The following TOB2 variants were observed in gnomAD, a reference collection of about 807,000 sequenced individuals.
TOB2 encodes the protein protein Tob2.
A neutral mutation model predicts 17.3 loss-of-function variants in TOB2; 3 were observed. The ratio of observed to expected loss-of-function variants is 0.17; its 90% CI spans 0.08 to 0.45. The LOEUF is 0.45. TOB2 is among the 20% of genes least tolerant of loss of function. The pLI is 0.99. For synonymous variants in TOB2, 163 were observed against 185.6 expected (o/e 0.88, Z 0.99); for missense variants, 407 against 445.7 (o/e 0.91, Z 0.78).
chr22:41,436,904 T>C lies in TOB2; in HGVS notation c.442A>G (p.Ser148Gly), dbSNP rs756939967. ...GGCGATGGGGAGTTGGACAGGGAGC[T>C]GTCCTGGCTGCCAATGGGCACGAAC... ...QVFVPIGSQD[S>G]SLSNSPSPSF... The change falls in exon 2 of 2, where the codon AGC becomes GGC. Residue 148 changes from serine (S) to glycine (G), a missense_variant. Physicochemically the swap from Ser to Gly is moderately conservative, Grantham distance 56. Coordinates refer to ENST00000327492, the MANE Select transcript of TOB2 (RefSeq NM_016272.4). The surrounding 1 kb of genome is among the most constrained non-coding windows in gnomAD (Gnocchi z 4.8). 11 of 1,614,206 alleles carry C rather than the reference T, an allele frequency of 6.8e-6. 1 individual carries two copies. Among genetic ancestry groups the C allele is most frequent in the South Asian group, 1.1e-5 (1 of 91,088 alleles).
chr22:41,433,947 T>A lies in TOB2; in HGVS notation c.*2364A>T. The A allele has an allele frequency of 4.1e-6, 1 of 243,104 alleles. No individual in the cohort carries two copies. Among genetic ancestry groups the A allele is most frequent in the Non-Finnish European group, 8.5e-6 (1 of 117,416 alleles). The allele number at this position is 243,104 out of a possible 1,614,324, so 15.1% of individuals were successfully genotyped here. On this transcript the variant is annotated 3_prime_UTR_variant, in exon 2 of 2. Coordinates refer to ENST00000327492, the MANE Select transcript of TOB2 (RefSeq NM_016272.4). ...AGTTTGTTTTTCCTGAAAAAATATG[T>A]TTCTCTCATCTTTTTAAGAAAAAAT...
rs1224593463 is a variant in TOB2 at position 41,433,909 on chromosome 22, CTTTTT to C, written c.*2397_*2401del. 1 of 207,086 alleles carries C rather than the reference CTTTTT, an allele frequency of 4.8e-6. No individual in the cohort carries two copies. The highest frequency in any genetic ancestry group is 1.0e-5 in the Non-Finnish European group (1 of 95,294). 12.8% of individuals were successfully genotyped at this position (207,086 alleles called of 1,614,324 possible). A position where few individuals can be genotyped will look rare whatever the true frequency, so the allele number is the denominator to read the frequency against. Reference sequence around the variant, plus strand: ...GGGGAGAAAAGGTTTTATTTCTCCTCTTTTTTTTTTAAAGTTTGTTTTTCCTGAAA... The same window carrying C: ...GGGGAGAAAAGGTTTTATTTCTCCTCTTTTTAAAGTTTGTTTTTCCTGAAA... On this transcript the variant is annotated 3_prime_UTR_variant, in exon 2 of 2. Coordinates refer to ENST00000327492, the MANE Select transcript of TOB2 (RefSeq NM_016272.4).
chr22:41,438,661 A>AAAAAAAAAAAAAAAAT (rs2037581649), intron 1 of TOB2, among the ~76,000 whole-genome samples: 1 of 144,290 alleles, frequency 6.9e-6, no homozygotes. Context: ...AAAAAAAAAA[A>AAAAAAAAAAAAAAAAT]GGAATAAGAC....
chr22:41,438,734 A>G (rs1393836455), intron 1 of TOB2, among the ~76,000 whole-genome samples: 1 of 150,756 alleles, frequency 6.6e-6, no homozygotes, highest in African/African-American at 2.4e-5. Context: ...GATGTGGACC[A>G]ACAAGGGAAC....
intron 1 of TOB2, among the ~76,000 whole-genome samples, chr22:41,443,709 C>A (rs996837482): frequency 6.6e-6 from 1 of 150,566 alleles, no homozygotes; most frequent in Admixed American, 6.6e-5. Context: ...CCGCAACCTC[C>A]GCCTCCCAGG....
chr22:41,438,059 C>G (rs2037573630), intron 1 of TOB2, among the ~76,000 whole-genome samples: 1 of 148,658 alleles, frequency 6.7e-6, no homozygotes, highest in Admixed American at 6.7e-5. Context: ...GTATGAATGA[C>G]ACTAAAAAAA....
In TOB2 at chr22:41,436,878, T is replaced by C; in HGVS notation, c.468A>G (p.Pro156=). 1 of 1,614,134 alleles carries C rather than the reference T, an allele frequency of 6.2e-7. No individual in the cohort carries two copies. The highest frequency in any genetic ancestry group is 1.3e-5 in the African/African-American group (1 of 75,024). Residue 156 remains proline, a synonymous_variant, in exon 2 of 2, where the codon CCA becomes CCG. Coordinates refer to ENST00000327492, the MANE Select transcript of TOB2 (RefSeq NM_016272.4). The surrounding 1 kb of genome is among the most constrained non-coding windows in gnomAD (Gnocchi z 4.8). Reference sequence around the variant, plus strand: ...TAGGGCTGGGTGACTGGCCAAAGGATGGCGATGGGGAGTTGGACAGGGAGC... The same window carrying C: ...TAGGGCTGGGTGACTGGCCAAAGGACGGCGATGGGGAGTTGGACAGGGAGC... The part of the protein sequence containing the change: ...QDSSLSNSPS[P]SFGQSPSPTF...
rs199967934 is a variant in TOB2 at position 41,437,133 on chromosome 22, G to A, written c.213C>T (p.Ala71=). ...CCACCGCCAGGCCACTCCGCTTGGCGGCCAGCTCCACCACGGGGTCCACCA... is the reference window on the plus strand; with the variant it reads ...CCACCGCCAGGCCACTCCGCTTGGCAGCCAGCTCCACCACGGGGTCCACCA... ...GEMVDPVVEL[A]AKRSGLAVED... is the part of the protein sequence containing the mutation. Residue 71 remains alanine (A), a synonymous_variant, in exon 2 of 2, where the codon GCC becomes GCT. Coordinates refer to ENST00000327492, the MANE Select transcript of TOB2 (RefSeq NM_016272.4). The A allele has an allele frequency of 6.8e-6, 11 of 1,614,008 alleles. No homozygotes were observed. Among genetic ancestry groups the A allele is most frequent in the South Asian group, 5.5e-5 (5 of 91,086 alleles).
chr22:41,439,981 T>C (rs947794802), intron 1 of TOB2, among the ~76,000 whole-genome samples: 1 of 152,096 alleles, frequency 6.6e-6, no homozygotes. Context: ...TCAGCAGAGG[T>C]ACCACAACTA....
intron 1 of TOB2, among the ~76,000 whole-genome samples, chr22:41,444,616 G>C (rs1451972821): frequency 6.6e-6 from 1 of 152,264 alleles, no homozygotes; most frequent in African/African-American, 2.4e-5. Context: ...GAGGGTCGAA[G>C]AGCCCAGGAA....
rs777647960 is a variant in TOB2, at chr22:41,436,902, G to A, written c.444C>T (p.Ser148=). The A allele has an allele frequency of 6.2e-7, 1 of 1,614,214 alleles. No homozygotes were observed. Among genetic ancestry groups the A allele is most frequent in the South Asian group, 1.1e-5 (1 of 91,084 alleles). ...QVFVPIGSQD[S]SLSNSPSPSF... ...ATGGCGATGGGGAGTTGGACAGGGA[G>A]CTGTCCTGGCTGCCAATGGGCACGA... Residue 148 remains serine, a synonymous_variant, in exon 2 of 2, where the codon AGC becomes AGT. Coordinates refer to ENST00000327492, the MANE Select transcript of TOB2 (RefSeq NM_016272.4). This position sits in a 1 kb window ranked among gnomAD's most constrained non-coding sequence, Gnocchi z 4.8.
rs988943745 is a variant in TOB2, at chr22:41,434,889, G to A, written c.*1422C>T. On this transcript the variant is annotated 3_prime_UTR_variant, in exon 2 of 2. Coordinates refer to ENST00000327492, the MANE Select transcript of TOB2 (RefSeq NM_016272.4). ...TGAGTCCGTCAGGACACCACTCCTCGCAGCATCAAGGTCCAGTGGGGTTGG... is the reference window on the plus strand; with the variant it reads ...TGAGTCCGTCAGGACACCACTCCTCACAGCATCAAGGTCCAGTGGGGTTGG... 5 of 152,656 alleles carry A rather than the reference G, an allele frequency of 3.3e-5. No homozygotes were observed. The highest frequency in any genetic ancestry group is 1.5e-5 in the Non-Finnish European group (1 of 68,152). 9.5% of individuals were successfully genotyped at this position (152,656 alleles called of 1,614,324 possible).
intron 1 of TOB2, among the ~76,000 whole-genome samples, chr22:41,440,571 CTT>C (rs928099506): frequency 2.2e-4 from 28 of 129,490 alleles, no homozygotes; most frequent in Middle Eastern, 4.1e-3. Flanking sequence ...CCACACCTGG[CTT>C]TTTTTTTTTT....
chr22:41,440,130 T>C (rs1454479426), intron 1 of TOB2, among the ~76,000 whole-genome samples: 5 of 10,930 alleles, frequency 4.6e-4, no homozygotes, highest in East Asian at 0.048. Context: ...TTTTTTTTTT[T>C]TTTTTGAGAC....
In TOB2 at chr22:41,436,510, C is replaced by T. The variant is rs61736466; in HGVS notation, c.836G>A (p.Gly279Asp). 360 of 1,613,130 alleles carry T rather than the reference C, an allele frequency of 2.2e-4. 2 individuals carry two copies. The African/African-American group carries it at 2.7e-3, about 12-fold the overall frequency. ...TCCAAACGGGCCTGGGGTGCCGCTG[C>T]CCTGGCCATCGGCCGCATCAAAGAA... ...SLFFDAADGQ[G>D]SGTPGPFGGS... Residue 279 changes from glycine (G) to aspartate (D), a missense_variant, in exon 2 of 2, where the codon GGC (glycine) becomes GAC (aspartate). Gly to Asp is a moderately conservative substitution (Grantham distance 94, BLOSUM62 -1). Transcript: ENST00000327492. This position sits in a 1 kb window ranked among gnomAD's most constrained non-coding sequence, Gnocchi z 4.8.
Position 41,436,209 on chromosome 22 carries a change from T to C in TOB2, c.*102A>G. The C allele has an allele frequency of 7.1e-7, 1 of 1,400,996 alleles. No individual in the cohort carries two copies. 86.8% of individuals were successfully genotyped at this position (1,400,996 alleles called of 1,614,324 possible). The stretch of plus-strand genomic sequence containing the variant: ...TTTTCTAGAAGTAAGAGTGAGAAGA[T>C]CGAAAATCTTTTTGTACATTTTTCT... On this transcript the variant is annotated 3_prime_UTR_variant, in exon 2 of 2. Coordinates refer to ENST00000327492, the MANE Select transcript of TOB2 (RefSeq NM_016272.4). The surrounding 1 kb of genome is among the most constrained non-coding windows in gnomAD (Gnocchi z 4.8).
At chr22:41,445,723 G>A (rs2037677016) in intron 1 of TOB2, among the ~76,000 whole-genome samples, 2 of 152,170 alleles carry the variant, frequency 1.3e-5, no homozygotes, top group African/African-American at 2.4e-5. Context: ...ACCAAGATAA[G>A]CAGAATCCAC....
At position 41,436,164 on chromosome 22, in the gene TOB2, C is replaced by A; in HGVS notation, c.*147G>T. ...GGGTGCTTTGCAGGGCCCTCCCATTCCGTGCCTGGGCTGGATCTTTTTTCT... is the reference window on the plus strand; with the variant it reads ...GGGTGCTTTGCAGGGCCCTCCCATTACGTGCCTGGGCTGGATCTTTTTTCT... On this transcript the variant is annotated 3_prime_UTR_variant, in exon 2 of 2. Transcript: ENST00000327492. This position sits in a 1 kb window ranked among gnomAD's most constrained non-coding sequence, Gnocchi z 4.8. The A allele has an allele frequency of 8.8e-7, 1 of 1,141,902 alleles. No homozygotes were observed. The highest frequency in any genetic ancestry group is 1.2e-6 in the Non-Finnish European group (1 of 847,630). The allele number at this position is 1,141,902 out of a possible 1,614,324, so 70.7% of individuals were successfully genotyped here.
intron 1 of TOB2, among the ~76,000 whole-genome samples, chr22:41,437,677 C>T (rs536368566): frequency 4.4e-4 from 67 of 152,204 alleles, no homozygotes; most frequent in African/African-American, 1.5e-3. Context: ...ATTGGCCGGG[C>T]GCGGTGGCTG....
Sources: allele counts gnomAD v4.1 joint callset (sites outside exome capture counted in the v4.1 genomes callset), GRCh38; gene constraint gnomAD v4.1.1; non-coding constraint Gnocchi (gnomAD v3.1); transcripts MANE v1.5; gene names NCBI Gene and HGNC (gene_info 2026-07-23, HGNC 2026-07-21).